Variants in DEAF1 observed in about 807,000 individuals in gnomAD.
DEAF1 encodes the protein deformed epidermal autoregulatory factor 1 homolog.
Under a neutral mutation model 58.9 loss-of-function variants are expected in DEAF1, and 53 were observed. The ratio of observed to expected loss-of-function variants is 0.90; its 90% CI spans 0.72 to 1.13. The LOEUF is 1.13. DEAF1 is among the 50% of genes most tolerant of loss of function. DEAF1 has a pLI of 0.00. For missense variants in DEAF1, 685 were observed against 791.4 expected, an observed-to-expected ratio of 0.87 and a Z score of 1.61; for synonymous variants, 385 against 340.4, an observed-to-expected ratio of 1.13 and a Z score of -1.44.
At chr11:698,953 A>T, upstream of DEAF1, 1 of 1,596,912 alleles carries the variant, frequency 6.3e-7, no homozygotes, top group East Asian at 2.2e-5. Context: ...CACAGAGAGC[A>T]CTCGGCCTCA....
intron 1 of DEAF1, chr11:703,918 C>T (rs747150874): frequency 1.1e-5 from 14 of 1,241,544 alleles, no homozygotes; most frequent in South Asian, 4.0e-5. Flanking sequence ...GCCTTTTGCA[C>T]GGAGTGCTAA....
chr11:701,414 T>C (rs1396561755), intron 1 of DEAF1, among the ~76,000 whole-genome samples: 1 of 134,484 alleles, frequency 7.4e-6, no homozygotes, highest in Non-Finnish European at 1.6e-5. Flanking sequence ...TTCTTTTTTT[T>C]TTTTTTTTTT....
chr11:672,692 CA>C (rs1218914511), intron 10 of DEAF1, among the ~76,000 whole-genome samples: 2 of 151,780 alleles, frequency 1.3e-5, no homozygotes, highest in African/African-American at 4.8e-5. Context: ...ACTAAAAATA[CA>C]AAAAATCAGC....
At chr11:691,643 T>C (rs764586544) in intron 1 of DEAF1, 45 bp from the exon 2 acceptor site, 3 of 1,572,000 alleles carry the variant, frequency 1.9e-6, no homozygotes, top group Non-Finnish European at 2.6e-6. Flanking sequence ...AAAGCCAGAA[T>C]GGACAAAGCG....
intron 1 of DEAF1, chr11:706,321 C>T (rs914646834): frequency 6.6e-6 from 1 of 152,090 alleles, no homozygotes; most frequent in Non-Finnish European, 1.5e-5. Context: ...AGCGCGCCCG[C>T]CCGGGCCTCA....
chr11:700,190 T>C (rs375402946), upstream of DEAF1: 53 of 1,614,074 alleles, frequency 3.3e-5, no homozygotes, highest in Non-Finnish European at 4.1e-5. Flanking sequence ...CGGAACGTAC[T>C]ACGCCCTGTA....
intron 10 of DEAF1, among the ~76,000 whole-genome samples, chr11:656,165 T>C (rs1410378249): frequency 6.7e-6 from 1 of 149,458 alleles, no homozygotes; most frequent in Admixed American, 6.7e-5. Context: ...AAACTTTTTT[T>C]TTTTTTTTGA....
upstream of DEAF1, among the ~76,000 whole-genome samples, chr11:697,022 G>C (rs1331793960): frequency 6.6e-6 from 1 of 150,974 alleles, no homozygotes; most frequent in Admixed American, 6.7e-5. Flanking sequence ...TGGTGGGGGG[G>C]GTGGGGTGCG....
intron 10 of DEAF1, among the ~76,000 whole-genome samples, chr11:671,843 A>C (rs1334646171): frequency 1.5e-5 from 2 of 135,820 alleles, no homozygotes; most frequent in Admixed American, 1.6e-4. Flanking sequence ...AAAAAAAAAA[A>C]AAAAAAGAAA....
chr11:694,438 A>C, intron 1 of DEAF1: 33 of 179,790 alleles, frequency 1.8e-4, no homozygotes, highest in Non-Finnish European at 2.6e-4. Context: ...CGAGGCAGGT[A>C]TTTGTGGCAG....
At chr11:703,153 A>G (rs1478354398) in intron 1 of DEAF1, 2 of 1,601,260 alleles carry the variant, frequency 1.2e-6, no homozygotes, top group South Asian at 2.2e-5. Context: ...CCAGGTAGCT[A>G]CGGACACCCG....
At chr11:645,880 A>G (rs1042203000) in intron 11 of DEAF1, among the ~76,000 whole-genome samples, 4 of 152,146 alleles carry the variant, frequency 2.6e-5, no homozygotes, top group African/African-American at 4.8e-5. Flanking sequence ...CGTATATGAC[A>G]CACAGAGCAG....
intron 7 of DEAF1, 94 bp downstream of exon 7, chr11:680,865 GAAGT>G: frequency 1.9e-6 from 3 of 1,550,730 alleles, no homozygotes; most frequent in Non-Finnish European, 2.7e-6. Context: ...ATGTGCTTTA[GAAGT>G]GAGAATCCCG....
intron 1 of DEAF1, among the ~76,000 whole-genome samples, chr11:692,982 A>T (rs1860900043): frequency 2.0e-5 from 3 of 152,190 alleles, no homozygotes; most frequent in African/African-American, 7.2e-5. Flanking sequence ...TGAGTGCTCA[A>T]CGCCAGGCCC....
intron 1 of DEAF1, chr11:703,786 A>G (rs1207747865): frequency 8.1e-7 from 1 of 1,233,160 alleles, no homozygotes; most frequent in Non-Finnish European, 1.0e-6. Context: ...TCTTAGCCAC[A>G]CTTCTCCCTT....
intron 10 of DEAF1, among the ~76,000 whole-genome samples, chr11:654,987 G>A (rs1008888085): frequency 6.6e-6 from 1 of 151,222 alleles, no homozygotes; most frequent in African/African-American, 2.5e-5. Context: ...TGGCTAACAC[G>A]GTGAAACCCC....
chr11:678,223 G>A (rs540934309), intron 9 of DEAF1: 16 of 194,464 alleles, frequency 8.2e-5, no homozygotes, highest in South Asian at 2.7e-4. Context: ...AAATAGAAGT[G>A]CAGTTAAACG....
At chr11:698,796 T>G, upstream of DEAF1, 1 of 1,564,000 alleles carries the variant, frequency 6.4e-7, no homozygotes, top group Non-Finnish European at 8.8e-7. Flanking sequence ...GTGGTTCCTG[T>G]CAGTGTGGAG....
chr11:693,323 A>G (rs1286920186), intron 1 of DEAF1, among the ~76,000 whole-genome samples: 2 of 152,172 alleles, frequency 1.3e-5, no homozygotes, highest in South Asian at 4.1e-4. Flanking sequence ...CCTGAGAGTC[A>G]CAAAGCCTTC....
Sources: gnomAD v4.1 joint callset for allele counts (sites outside exome capture counted in the v4.1 genomes callset) on GRCh38, gnomAD v4.1.1 for gene constraint, MANE v1.5 for transcripts, NCBI Gene and HGNC (gene_info 2026-07-23, HGNC 2026-07-21) for gene names.